The following MRPL46 variants were observed in gnomAD, a reference collection of about 807,000 sequenced individuals.
MRPL46 encodes large ribosomal subunit protein mL46.
In MRPL46, 26 loss-of-function variants were observed where a neutral mutation model predicts 31.0. That is an observed-to-expected ratio of 0.84 (90% CI 0.61 to 1.16). MRPL46 has a LOEUF of 1.16. Ranked by LOEUF, MRPL46 falls within the 50% of genes most tolerant of loss-of-function variation. The pLI, the probability that MRPL46 is intolerant of heterozygous loss-of-function variation, is 0.00. For synonymous variants in MRPL46, 159 were observed against 141.3 expected, an observed-to-expected ratio of 1.13 and a Z score of -0.89; for missense variants, 395 against 340.0, an observed-to-expected ratio of 1.16 and a Z score of -1.27.
At chr15:88,459,906 T>C (rs1484969695) in intron 3 of MRPL46, 43 bp from the exon 4 acceptor site, 5 of 1,609,568 alleles carry the variant, frequency 3.1e-6, no homozygotes, top group Non-Finnish European at 4.2e-6. Context: ...AAGGTAAGGA[T>C]ACAGCCATCT....
chr15:88,464,370 T>C, intron 3 of MRPL46: 1 of 272,918 alleles, frequency 3.7e-6, no homozygotes, highest in South Asian at 3.8e-5. Flanking sequence ...AGGTTTCAAG[T>C]TGAGTGAACA....
Position 88,460,011 on chromosome 15 carries a change from A to C in MRPL46, c.590-148T>G, listed in dbSNP as rs1191791041. On this transcript the variant is annotated intron_variant, in intron 3 of 3. Transcript: ENST00000312475. ...GGAATAGGACTAGAGCCATTCCTGA[A>C]AAGAGGCTCCTCCCCTCTCAATCCA... 6.1e-6 allele frequency: 6 copies of C among 980,854 alleles called. No homozygotes were observed. In the Admixed American group the frequency reaches 8.5e-5, roughly 14 times the overall value. 60.8% of individuals were successfully genotyped at this position (980,854 alleles called of 1,614,324 possible). A position where few individuals can be genotyped will look rare whatever the true frequency, so the allele number is the denominator to read the frequency against.
chr15:88,463,437 T>C lies in MRPL46; in HGVS notation c.589+1266A>G, dbSNP rs2055494485. The C allele has an allele frequency of 2.6e-5, 4 of 152,218 alleles. No individual in the cohort carries two copies. 9.4% of individuals were successfully genotyped at this position (152,218 alleles called of 1,614,324 possible). A position where few individuals can be genotyped will look rare whatever the true frequency, so the allele number is the denominator to read the frequency against. The stretch of plus-strand genomic sequence containing the variant: ...AGAAAAATGTGTTAGTAAACAATTA[T>C]AGTGCAATGGCATAAGTGAAAGAAT... On this transcript the variant is annotated intron_variant, in intron 3 of 3. Coordinates refer to ENST00000312475, the MANE Select transcript of MRPL46 (RefSeq NM_022163.4). This position sits in a 1 kb window ranked among gnomAD's most constrained non-coding sequence, Gnocchi z 5.4.
rs769821466 is a variant in MRPL46, at chr15:88,465,769, T to G, written c.233A>C (p.Glu78Ala). The change falls in exon 2 of 4, where the codon GAG becomes GCG. Residue 78 changes from glutamate to alanine, a missense_variant. Physicochemically the swap from Glu to Ala is moderately radical, Grantham distance 107. Transcript: ENST00000312475. ...EEMASLLQQI[E>A]IERSLYSDHE... Reference sequence around the variant, plus strand: ...GTCTGAATACAGGCTTCTCTCTATCTCAATCTGGGAAAATTCAAAGGGCAA... The same window carrying G: ...GTCTGAATACAGGCTTCTCTCTATCGCAATCTGGGAAAATTCAAAGGGCAA... 6.4e-7 allele frequency: 1 copy of G among 1,570,816 alleles called. No individual in the cohort carries two copies. Among genetic ancestry groups the G allele is most frequent in the South Asian group, 1.2e-5 (1 of 84,220 alleles).
intron 2 of MRPL46, 76 bp from the exon 3 acceptor site, chr15:88,464,952 T>C (rs560542845): frequency 1.3e-6 from 2 of 1,496,324 alleles, no homozygotes; most frequent in South Asian, 2.6e-5. Flanking sequence ...TTTACAATCT[T>C]CCTTTAAGAT....
At chr15:88,464,594 A>C in intron 3 of MRPL46, 109 bp downstream of exon 3, 1 of 1,107,936 alleles carries the variant, frequency 9.0e-7, no homozygotes, top group Non-Finnish European at 1.3e-6. Context: ...CAAAATTTCC[A>C]TTAACCTTCC....
chr15:88,459,841 G>A lies in MRPL46; in HGVS notation c.612C>T (p.Phe204=). 3.1e-6 allele frequency: 5 copies of A among 1,614,074 alleles called. No homozygotes were observed. Among genetic ancestry groups the A allele is most frequent in the South Asian group, 1.1e-5 (1 of 91,074 alleles). ...TLSENNMEAK[F]LGNAPCGHYT... is the part of the protein sequence containing the mutation. The stretch of plus-strand genomic sequence containing the variant: ...AGTGCCCACAGGGTGCATTTCCTAG[G>A]AACTTGGCTTCCATGTTGTTTTCTG... The change falls in exon 4 of 4, where the codon TTC becomes TTT. Residue 204 remains phenylalanine (F), a synonymous_variant. Coordinates refer to ENST00000312475, the MANE Select transcript of MRPL46 (RefSeq NM_022163.4).
At chr15:88,466,743 C>G (rs1358777209) in intron 1 of MRPL46, among the ~76,000 whole-genome samples, 1 of 152,230 alleles carries the variant, frequency 6.6e-6, no homozygotes, top group Non-Finnish European at 1.5e-5. Flanking sequence ...TTGCCCCTCA[C>G]ACAGATAGCC....
chr15:88,460,683 T>A (rs2055470871), intron 3 of MRPL46: 2 of 152,222 alleles, frequency 1.3e-5, no homozygotes, highest in African/African-American at 4.8e-5. Flanking sequence ...TCATAAAAAA[T>A]TTATTCATTC....
Position 88,465,572 on chromosome 15 carries a change from T to C in MRPL46, c.415+15A>G. On this transcript the variant is annotated intron_variant, in intron 2 of 3. Transcript: ENST00000312475. ...CCTTTTCCCTTCCTTCTGGCTGGCC[T>C]AAAAGGATCACAACCTGTTATGCGA... 6.4e-7 allele frequency: 1 copy of C among 1,570,734 alleles called. No homozygotes were observed. The highest frequency in any genetic ancestry group is 8.6e-7 in the Non-Finnish European group (1 of 1,161,414).
At position 88,467,325 on chromosome 15, in the gene MRPL46, C is replaced by A. The variant is rs373957719; in HGVS notation, c.53G>T (p.Arg18Leu). 8 of 1,606,742 alleles carry A rather than the reference C, an allele frequency of 5.0e-6. No homozygotes were observed. The highest frequency in any genetic ancestry group is 2.5e-6 in the Non-Finnish European group (3 of 1,176,706). The change falls in exon 1 of 4, where the codon CGG becomes CTG. Residue 18 changes from arginine (R) to leucine (L), a missense_variant. Coordinates refer to ENST00000312475, the MANE Select transcript of MRPL46 (RefSeq NM_022163.4). Reference sequence around the variant, plus strand: ...ACTGCCGGCCCAGAGCCTCTCGAACCGCCGCCAACCCCCCGCCACCCCTAA... The same window carrying A: ...ACTGCCGGCCCAGAGCCTCTCGAACAGCCGCCAACCCCCCGCCACCCCTAA... ...TLLGVAGGWR[R>L]FERLWAGSLS... is the part of the protein sequence containing the mutation.
At chr15:88,461,960 T>C (rs759958797) in intron 3 of MRPL46, 1 of 152,208 alleles carries the variant, frequency 6.6e-6, no homozygotes, top group Non-Finnish European at 1.5e-5. Context: ...CAACAGTGTA[T>C]AAACATGTTC....
At chr15:88,464,541 A>T (rs2055504804) in intron 3 of MRPL46, 162 bp downstream of exon 3, 2 of 715,026 alleles carry the variant, frequency 2.8e-6, no homozygotes. Context: ...AAAATAAAAA[A>T]AATCCTTACC....
chr15:88,466,999 T>C, intron 1 of MRPL46, 151 bp downstream of exon 1: 1 of 851,882 alleles, frequency 1.2e-6, no homozygotes. Flanking sequence ...AAGAAACCAC[T>C]TTTTGTTGAA....
Position 88,467,325 on chromosome 15 carries a change from C to T in MRPL46, c.53G>A (p.Arg18Gln), listed in dbSNP as rs373957719. 2.5e-6 allele frequency: 4 copies of T among 1,606,742 alleles called. No individual in the cohort carries two copies. In the South Asian group the frequency reaches 3.3e-5, roughly 13 times the overall value. ...ACTGCCGGCCCAGAGCCTCTCGAAC[C>T]GCCGCCAACCCCCCGCCACCCCTAA... ...TLLGVAGGWR[R>Q]FERLWAGSLS... The change falls in exon 1 of 4, where the codon CGG becomes CAG. Residue 18 changes from arginine to glutamine, a missense_variant. Transcript: ENST00000312475.
Position 88,465,712 on chromosome 15 carries a change from C to T in MRPL46, c.290G>A (p.Arg97Gln), listed in dbSNP as rs1302514611. The T allele has an allele frequency of 3.1e-6, 5 of 1,613,806 alleles. No homozygotes were observed. The highest frequency in any genetic ancestry group is 2.7e-5 in the African/African-American group (2 of 74,996). ...HELRALDENQ[R>Q]LAKKKADLHD... ...AAGGTCAGCTTTCTTCTTTGCCAGT[C>T]GCTGGTTTTCATCCAGAGCACGAAG... Residue 97 changes from arginine to glutamine, a missense_variant, in exon 2 of 4, where the codon CGA (arginine) becomes CAA (glutamine). Transcript: ENST00000312475.
intron 3 of MRPL46, chr15:88,460,603 C>G (rs2055470208): frequency 6.6e-6 from 1 of 152,228 alleles, no homozygotes; most frequent in Non-Finnish European, 1.5e-5. Context: ...AAGCTGGATT[C>G]CATACTCAGT....
Position 88,459,793 on chromosome 15 carries a change from T to C in MRPL46, c.660A>G (p.Ala220=), listed in dbSNP as rs1165974133. The C allele has an allele frequency of 6.2e-7, 1 of 1,614,224 alleles. No individual in the cohort carries two copies. Among genetic ancestry groups the C allele is most frequent in the South Asian group, 1.1e-5 (1 of 91,082 alleles). The change falls in exon 4 of 4, where the codon GCA becomes GCG. Residue 220 remains alanine, a synonymous_variant. Coordinates refer to ENST00000312475, the MANE Select transcript of MRPL46 (RefSeq NM_022163.4). ...CGHYTFKFPQ[A]MRTESNLGAK... is the part of the protein sequence containing the mutation. ...CTCCGAGGTTACTCTCTGTCCGCAT[T>C]GCCTGGGGGAACTTGAATGTGTAGT...
In MRPL46 at chr15:88,460,182, CTGCTGGCGAATCAGCCCAGTCGCTA is replaced by C. The variant is rs1467279578; in HGVS notation, c.590-344_590-320del. 5.4e-3 allele frequency: 1,632 copies of C among 302,278 alleles called. 32 individuals are homozygous for C. The highest frequency in any genetic ancestry group is 0.033 in the African/African-American group (1,514 of 46,484). 18.7% of individuals were successfully genotyped at this position (302,278 alleles called of 1,614,324 possible). ...TTCCTACATTCAGCCCAGTCGCTAT[CTGCTGGCGAATCAGCCCAGTCGCTA>C]TGCTGGCGAATCAGCCCAGTCGCTA... On this transcript the variant is annotated intron_variant, in intron 3 of 3. Coordinates refer to ENST00000312475, the MANE Select transcript of MRPL46 (RefSeq NM_022163.4).
Sources: gnomAD v4.1 joint callset for allele counts (sites outside exome capture counted in the v4.1 genomes callset) on GRCh38, gnomAD v4.1.1 for gene constraint, Gnocchi (gnomAD v3.1) non-coding constraint, MANE v1.5 for transcripts, NCBI Gene and HGNC (gene_info 2026-07-23, HGNC 2026-07-21) for gene names.